ADAMTSL1: variants seen among roughly 807,000 people sequenced by gnomAD.
The protein encoded by ADAMTSL1 is ADAMTS-like protein 1.
In ADAMTSL1, 126 loss-of-function variants were observed where a neutral mutation model predicts 201.8. The observed-to-expected ratio is 0.62, with a 90% confidence interval of 0.54 to 0.72. The LOEUF is 0.72. ADAMTSL1 is among the 30% of genes least tolerant of loss of function. ADAMTSL1 has a pLI of 0.00. For missense variants in ADAMTSL1, 2,679 were observed against 2,277.8 expected, an observed-to-expected ratio of 1.18 and a Z score of -3.59; for synonymous variants, 1,121 against 903.4, an observed-to-expected ratio of 1.24 and a Z score of -4.32.
chr9:18,089,609 A>C (rs1379920248), intron 1 of ADAMTSL1, among the ~76,000 whole-genome samples: 2 of 152,156 alleles, frequency 1.3e-5, no homozygotes, highest in Non-Finnish European at 1.5e-5. Flanking sequence ...GAACTTTAAT[A>C]AAAAAGGAAA....
At chr9:18,589,922 A>G (rs1199848994) in intron 4 of ADAMTSL1, among the ~76,000 whole-genome samples, 1 of 152,110 alleles carries the variant, frequency 6.6e-6, no homozygotes, top group Non-Finnish European at 1.5e-5. Context: ...TTCCCTCTTA[A>G]TCATGGTGAA....
chr9:18,065,439 T>G (rs1299896392), intron 1 of ADAMTSL1, among the ~76,000 whole-genome samples: 1 of 152,232 alleles, frequency 6.6e-6, no homozygotes, highest in Non-Finnish European at 1.5e-5. Flanking sequence ...GTTTCCATTT[T>G]TATGTACCAT....
At chr9:18,628,568 G>T (rs1458590296) in intron 5 of ADAMTSL1, among the ~76,000 whole-genome samples, 1 of 152,022 alleles carries the variant, frequency 6.6e-6, no homozygotes, top group Non-Finnish European at 1.5e-5. Context: ...CTGGGTCTTT[G>T]TCTTTCCATA....
chr9:18,823,589 C>T (rs1214976042), intron 21 of ADAMTSL1, among the ~76,000 whole-genome samples: 1 of 152,188 alleles, frequency 6.6e-6, no homozygotes, highest in Non-Finnish European at 1.5e-5. Flanking sequence ...ATTTTCTCTC[C>T]CCCTGAGTCT....
At chr9:18,560,348 G>A (rs1214903375) in intron 3 of ADAMTSL1, among the ~76,000 whole-genome samples, 1 of 152,154 alleles carries the variant, frequency 6.6e-6, no homozygotes, top group African/African-American at 2.4e-5. Context: ...TTGCATCCCA[G>A]GGGTGAAGCC....
chr9:18,390,065 A>C (rs1236015867), intron 2 of ADAMTSL1, among the ~76,000 whole-genome samples: 1 of 152,176 alleles, frequency 6.6e-6, no homozygotes, highest in Non-Finnish European at 1.5e-5. Context: ...TAAAAATTAG[A>C]ATAAGAATAT....
upstream of ADAMTSL1, chr9:18,474,076 C>G: frequency 1.4e-5 from 5 of 364,562 alleles, no homozygotes; most frequent in East Asian, 7.1e-5. Context: ...CCCCACCCAT[C>G]CACCCACCCA....
chr9:18,414,372 T>G (rs879584697), intron 2 of ADAMTSL1, among the ~76,000 whole-genome samples: 3 of 152,212 alleles, frequency 2.0e-5, no homozygotes, highest in Admixed American at 6.5e-5. Context: ...ATAATCTTTA[T>G]GTATTTTTTT....
intron 2 of ADAMTSL1, among the ~76,000 whole-genome samples, chr9:18,444,811 T>A (rs1820126734): frequency 6.6e-6 from 1 of 152,134 alleles, no homozygotes; most frequent in Non-Finnish European, 1.5e-5. Context: ...ATGTCTTTCC[T>A]CCTATTTATT....
chr9:18,248,699 C>T (rs1831353297), intron 2 of ADAMTSL1, among the ~76,000 whole-genome samples: 1 of 152,182 alleles, frequency 6.6e-6, no homozygotes, highest in Non-Finnish European at 1.5e-5. Flanking sequence ...GCAAACGCAT[C>T]GTCCATTGCG....
At chr9:18,612,255 A>G (rs1487911515) in intron 4 of ADAMTSL1, among the ~76,000 whole-genome samples, 2 of 152,200 alleles carry the variant, frequency 1.3e-5, no homozygotes, top group African/African-American at 4.8e-5. Flanking sequence ...GTGTTATAAA[A>G]TGATTTGTCC....
chr9:18,217,947 C>T (rs918874154), intron 2 of ADAMTSL1, among the ~76,000 whole-genome samples: 20 of 151,740 alleles, frequency 1.3e-4, no homozygotes, highest in Admixed American at 5.9e-4. Flanking sequence ...TAATTGCCAA[C>T]GGCTGGAATT....
At chr9:18,604,609 C>A (rs911843440) in intron 4 of ADAMTSL1, among the ~76,000 whole-genome samples, 2 of 152,110 alleles carry the variant, frequency 1.3e-5, no homozygotes, top group African/African-American at 4.8e-5. Context: ...CTTTTTAGAG[C>A]TGAATAATAT....
At chr9:18,483,635 C>T (rs761612698) in intron 1 of ADAMTSL1, among the ~76,000 whole-genome samples, 1 of 152,016 alleles carries the variant, frequency 6.6e-6, no homozygotes, top group African/African-American at 2.4e-5. Context: ...AGACCATCCT[C>T]GCTAACACGG....
intron 1 of ADAMTSL1, among the ~76,000 whole-genome samples, chr9:18,079,728 AAAT>A (rs1823401997): frequency 6.7e-6 from 1 of 150,232 alleles, no homozygotes; most frequent in Non-Finnish European, 1.5e-5. Flanking sequence ...TAAATAAATA[AAAT>A]AAAAAATAAA....
At chr9:18,053,635 A>G (rs548056023) in intron 1 of ADAMTSL1, among the ~76,000 whole-genome samples, 1 of 152,310 alleles carries the variant, frequency 6.6e-6, no homozygotes, top group East Asian at 1.9e-4. Context: ...TAATAAACAA[A>G]ACAAAGCAGA....
At chr9:18,733,458 G>A (rs1246009231) in intron 15 of ADAMTSL1, among the ~76,000 whole-genome samples, 2 of 152,246 alleles carry the variant, frequency 1.3e-5, no homozygotes, top group East Asian at 3.9e-4. Context: ...CCACCACTGA[G>A]TTATTAGGCA....
chr9:18,176,042 A>C, intron 2 of ADAMTSL1, among the ~76,000 whole-genome samples: 1 of 149,496 alleles, frequency 6.7e-6, no homozygotes. Flanking sequence ...AAGGCAAACA[A>C]AGGTTTCGTT....
chr9:18,268,070 C>A (rs1040498445), intron 2 of ADAMTSL1, among the ~76,000 whole-genome samples: 64 of 152,190 alleles, frequency 4.2e-4, no homozygotes, highest in African/African-American at 1.3e-3. Context: ...AAGATGTGAA[C>A]CTTCCTTTGG....
Sources: gnomAD v4.1 joint callset for allele counts (sites outside exome capture counted in the v4.1 genomes callset) on GRCh38, gnomAD v4.1.1 for gene constraint, MANE v1.5 for transcripts, NCBI Gene and HGNC (gene_info 2026-07-23, HGNC 2026-07-21) for gene names.